GRHL2: variants seen among roughly 807,000 people sequenced by gnomAD.
The protein encoded by GRHL2 is grainyhead-like protein 2 homolog.
A neutral mutation model predicts 83.8 loss-of-function variants in GRHL2; 21 were observed. The observed-to-expected ratio is 0.25, with a 90% CI of 0.18 to 0.36. GRHL2 has a LOEUF of 0.36. GRHL2 is among the 10% of genes least tolerant of loss of function. The probability of loss-of-function intolerance (pLI) is 1.00; values close to 1 mark genes in which losing one functional copy is unlikely to be tolerated. For synonymous variants in GRHL2, 280 were observed against 278.9 expected, an observed-to-expected ratio of 1.00 and a Z score of -0.04; for missense variants, 623 against 781.8, an observed-to-expected ratio of 0.80 and a Z score of 2.42.
chr8:101,678,491 C>A, the GRHL2 span, among the ~76,000 whole-genome samples: 1 of 151,322 alleles, frequency 6.6e-6, no homozygotes, highest in Admixed American at 6.5e-5. Flanking sequence ...TGCAAGGTGG[C>A]AGCGAGGCTG....
At chr8:101,525,741 G>C (rs1482577455) in intron 1 of GRHL2, among the ~76,000 whole-genome samples, 1 of 152,174 alleles carries the variant, frequency 6.6e-6, no homozygotes, top group Non-Finnish European at 1.5e-5. Flanking sequence ...GGCCGAGGTG[G>C]GTGGATCACT....
chr8:101,660,235 C>T (rs1418180437), intron 14 of GRHL2, among the ~76,000 whole-genome samples: 7 of 151,792 alleles, frequency 4.6e-5, no homozygotes, highest in Non-Finnish European at 1.0e-4. Context: ...ATTGCTGTAG[C>T]TTCTCCGTCA....
At chr8:101,593,946 G>A (rs1263072404) in intron 7 of GRHL2, among the ~76,000 whole-genome samples, 1 of 151,894 alleles carries the variant, frequency 6.6e-6, no homozygotes, top group East Asian at 1.9e-4. Flanking sequence ...GCAGGTGCCT[G>A]TAATCCCAGC....
rs185985320 is a variant in GRHL2, at chr8:101,553,849, A to G, written c.284+1067A>G. On this transcript the variant is annotated intron_variant, in intron 3 of 15. Transcript: ENST00000646743. ...CACTATATTGGCCAGGATGGGCTCT[A>G]TCTCCTGACCTTGTGATCTGCCCGC... 2.8e-3 allele frequency among the ~76,000 whole-genome samples: 427 copies of G among 151,996 alleles called. 2 individuals are homozygous for G. The highest frequency in any genetic ancestry group is 4.3e-3 in the Non-Finnish European group (291 of 67,948).
In GRHL2 at chr8:101,667,111, C is replaced by CTA. The variant is rs146431915; in HGVS notation, c.*410_*411dup. On this transcript the variant is annotated 3_prime_UTR_variant, in exon 16 of 16. Transcript: ENST00000646743. Reference sequence around the variant, plus strand: ...TCCCTTCTCTCTCACCCCTCCATATCTATCTCCCGAGTGGCTGGACAAAAT... The same window carrying CTA: ...TCCCTTCTCTCTCACCCCTCCATATCTATATCTCCCGAGTGGCTGGACAAAAT... 1,183 of 281,290 alleles carry CTA rather than the reference C, an allele frequency of 4.2e-3. 20 individuals are homozygous for CTA. In the East Asian group the frequency reaches 0.055, roughly 13 times the overall value. The allele number at this position is 281,290 out of a possible 1,614,324, so 17.4% of individuals were successfully genotyped here. A position where few individuals can be genotyped will look rare whatever the true frequency, so the allele number is the denominator to read the frequency against.
intron 9 of GRHL2, among the ~76,000 whole-genome samples, chr8:101,627,033 G>A (rs1813094855): frequency 6.6e-6 from 1 of 152,002 alleles, no homozygotes; most frequent in African/African-American, 2.4e-5. Context: ...TTGTAGAAGG[G>A]CCACCATCTG....
intron 4 of GRHL2, among the ~76,000 whole-genome samples, chr8:101,566,327 C>T (rs1811716568): frequency 6.6e-6 from 1 of 151,814 alleles, no homozygotes; most frequent in Non-Finnish European, 1.5e-5. Flanking sequence ...ATTAACATGG[C>T]ATTTACTCAC....
At chr8:101,517,817 C>A (rs760085155) in intron 1 of GRHL2, among the ~76,000 whole-genome samples, 1 of 152,228 alleles carries the variant, frequency 6.6e-6, no homozygotes, top group Non-Finnish European at 1.5e-5. Flanking sequence ...CTTCTTGCAA[C>A]CCTACCTGAC....
At chr8:101,636,385 T>C (rs560020939) in intron 11 of GRHL2, among the ~76,000 whole-genome samples, 3 of 152,264 alleles carry the variant, frequency 2.0e-5, no homozygotes, top group Admixed American at 2.0e-4. Flanking sequence ...CGGGCCCCTT[T>C]GGGGAGTAAG....
chr8:101,589,574 T>C (rs1031750795), intron 7 of GRHL2, among the ~76,000 whole-genome samples: 6 of 152,242 alleles, frequency 3.9e-5, no homozygotes, highest in Non-Finnish European at 8.8e-5. Flanking sequence ...TCTGTGCTTA[T>C]GGTCAGTACA....
At chr8:101,581,781 G>T (rs769312821) in intron 7 of GRHL2, among the ~76,000 whole-genome samples, 3 of 152,188 alleles carry the variant, frequency 2.0e-5, no homozygotes, top group Admixed American at 6.5e-5. Context: ...AAGATGACTA[G>T]CTAAGATATC....
intron 1 of GRHL2, among the ~76,000 whole-genome samples, chr8:101,523,200 C>G (rs1036466868): frequency 9.2e-5 from 14 of 152,118 alleles, no homozygotes; most frequent in Admixed American, 3.9e-4. Flanking sequence ...ACTTAAGCCA[C>G]TGCGCCCAGC....
chr8:101,562,369 A>C, intron 4 of GRHL2: 1 of 674,640 alleles, frequency 1.5e-6, no homozygotes, highest in Non-Finnish European at 2.4e-6. Flanking sequence ...GCTTCTTTTT[A>C]AAGTTTTTAT....
At chr8:101,663,647 A>G (rs1449575998) in intron 14 of GRHL2, among the ~76,000 whole-genome samples, 1 of 151,090 alleles carries the variant, frequency 6.6e-6, no homozygotes, top group East Asian at 1.9e-4. Flanking sequence ...ATAAATAAAA[A>G]TAAAAGTAGT....
chr8:101,516,607 A>G (rs1236782966), intron 1 of GRHL2, among the ~76,000 whole-genome samples: 2 of 151,776 alleles, frequency 1.3e-5, no homozygotes, highest in African/African-American at 4.8e-5. Context: ...GAGTCTTACT[A>G]TGTTGCTCTG....
intron 7 of GRHL2, among the ~76,000 whole-genome samples, chr8:101,586,376 A>T (rs1016526935): frequency 1.3e-5 from 2 of 151,364 alleles, no homozygotes; most frequent in Middle Eastern, 3.4e-3. Context: ...CTTACTTCCA[A>T]CCTCTTGTTT....
chr8:101,618,313 A>G (rs1812895487), intron 8 of GRHL2, among the ~76,000 whole-genome samples: 1 of 152,224 alleles, frequency 6.6e-6, no homozygotes, highest in Non-Finnish European at 1.5e-5. Flanking sequence ...TTTGTTGGTC[A>G]GCACTGTAAT....
At chr8:101,612,242 G>A (rs935491215) in intron 8 of GRHL2, among the ~76,000 whole-genome samples, 9 of 150,838 alleles carry the variant, frequency 6.0e-5, no homozygotes, top group Non-Finnish European at 8.8e-5. Context: ...CACCTGCCTC[G>A]GCCTCCCAAA....
intron 1 of GRHL2, among the ~76,000 whole-genome samples, chr8:101,539,149 T>G (rs1273579105): frequency 6.6e-6 from 1 of 152,198 alleles, no homozygotes; most frequent in African/African-American, 2.4e-5. Context: ...AATCGAGACT[T>G]GGCTCTGATC....
Sources: gnomAD v4.1 joint callset for allele counts (sites outside exome capture counted in the v4.1 genomes callset) on GRCh38, gnomAD v4.1.1 for gene constraint, MANE v1.5 for transcripts, NCBI Gene and HGNC (gene_info 2026-07-23, HGNC 2026-07-21) for gene names.